The following RCBTB2 variants were observed in gnomAD, a reference collection of about 807,000 sequenced individuals.
RCBTB2 encodes the protein RCC1 and BTB domain-containing protein 2.
Under a neutral mutation model 65.4 loss-of-function variants are expected in RCBTB2, and 55 were observed. The ratio of observed to expected loss-of-function variants is 0.84; its 90% CI spans 0.68 to 1.05. The LOEUF (loss-of-function observed/expected upper bound fraction) is 1.05. Among genes scored for constraint, RCBTB2 ranks in the 50% least tolerant of loss-of-function variants. RCBTB2 has a pLI of 0.00. For missense variants in RCBTB2, 599 were observed against 680.1 expected, an observed-to-expected ratio of 0.88 and a Z score of 1.33; for synonymous variants, 220 against 255.2, an observed-to-expected ratio of 0.86 and a Z score of 1.31.
At position 48,511,779 on chromosome 13, in the gene RCBTB2, A is replaced by G. The variant is rs759484990; in HGVS notation, c.774T>C (p.Arg258=). The change falls in exon 9 of 15, where the codon CGT becomes CGC. Residue 258 remains arginine (R), a synonymous_variant. Coordinates refer to ENST00000344532, the MANE Select transcript of RCBTB2 (RefSeq NM_001268.4). ...PCRVAALQGI[R]VQRVACGYAH... ...CTGACAGTGGACGTACCCTCTGGAC[A>G]CGGATGCCTTGCAAAGCTGCCACTC... 3.1e-6 allele frequency: 5 copies of G among 1,614,052 alleles called. No homozygotes were observed. The South Asian group carries it at 5.5e-5, about 18-fold the overall frequency.
chr13:48,533,209 G>T (rs1952283729), upstream of RCBTB2: 1 of 339,298 alleles, frequency 2.9e-6, no homozygotes, highest in Admixed American at 3.9e-5. Flanking sequence ...GGGGGCTGGC[G>T]ACGGCGTCTC....
At position 48,512,772 on chromosome 13, in the gene RCBTB2, GC is replaced by G; in HGVS notation, c.472del (p.Ala158ProfsTer10). 3.1e-6 allele frequency: 5 copies of G among 1,613,894 alleles called. No individual in the cohort carries two copies. Among genetic ancestry groups the G allele is most frequent in the Non-Finnish European group, 4.2e-6 (5 of 1,179,860 alleles). ...CACCAAAGAATGGTAAGACCCACAGGCAACTTCAATGACTTGTTTGTTTGAC... is the reference window on the plus strand; with the variant it reads ...CACCAAAGAATGGTAAGACCCACAGGAACTTCAATGACTTGTTTGTTTGAC... ...NLSNKQVIEV[A>X]CGSYHSLVLT... On this transcript the variant is annotated frameshift_variant, in exon 7 of 15. Transcript: ENST00000344532. LOFTEE classifies it high-confidence loss of function.
At chr13:48,508,549 A>G (rs771090338) in intron 10 of RCBTB2, among the ~76,000 whole-genome samples, 1 of 152,000 alleles carries the variant, frequency 6.6e-6, no homozygotes, top group African/African-American at 2.4e-5. Flanking sequence ...GATTACAGGC[A>G]TGTGCCACTG....
chr13:48,518,472 A>AAAAT (rs1491137365), intron 4 of RCBTB2, among the ~76,000 whole-genome samples: 120 of 116,580 alleles, frequency 1.0e-3, no homozygotes, highest in African/African-American at 3.4e-3. Flanking sequence ...AAAAAAAAAA[A>AAAAT]ATATATATAT....
At chr13:48,493,494 C>T (rs574220133) in intron 14 of RCBTB2, among the ~76,000 whole-genome samples, 29 of 152,048 alleles carry the variant, frequency 1.9e-4, no homozygotes, top group South Asian at 1.9e-3. Flanking sequence ...ACTCTGATTC[C>T]TGAAACTTGC....
intron 12 of RCBTB2, among the ~76,000 whole-genome samples, chr13:48,501,100 A>T (rs1240226170): frequency 6.6e-6 from 1 of 152,208 alleles, no homozygotes; most frequent in Admixed American, 6.5e-5. Context: ...TGACAGAAGG[A>T]GCTGCGGTCA....
chr13:48,508,661 C>T (rs1192267330), intron 10 of RCBTB2, among the ~76,000 whole-genome samples: 3 of 152,186 alleles, frequency 2.0e-5, no homozygotes, highest in Admixed American at 2.0e-4. Flanking sequence ...GCCTTGGCCT[C>T]CCAAAGTGCT....
chr13:48,513,695 T>G (rs1465504843), intron 6 of RCBTB2, among the ~76,000 whole-genome samples: 1 of 152,240 alleles, frequency 6.6e-6, no homozygotes, highest in African/African-American at 2.4e-5. Context: ...TCCCTGCAGA[T>G]TATTTTCAAG....
chr13:48,505,938 T>G (rs938163563), intron 10 of RCBTB2, among the ~76,000 whole-genome samples: 8 of 152,198 alleles, frequency 5.3e-5, no homozygotes, highest in African/African-American at 1.9e-4. Context: ...GCTGAGGAAC[T>G]CATGATTTAG....
intron 4 of RCBTB2, among the ~76,000 whole-genome samples, chr13:48,516,078 T>C (rs1593739002): frequency 7.2e-6 from 1 of 139,380 alleles, no homozygotes; most frequent in East Asian, 2.0e-4. Flanking sequence ...ACTAGGCTGG[T>C]TGTAAAAGCA....
chr13:48,501,684 T>C, intron 12 of RCBTB2, 58 bp downstream of exon 12: 2 of 1,472,506 alleles, frequency 1.4e-6, no homozygotes, highest in Non-Finnish European at 1.9e-6. Flanking sequence ...GTTGGACACT[T>C]AGAATATAAT....
At chr13:48,490,276 T>G (rs756780966) in intron 14 of RCBTB2, 25 bp from the exon 15 acceptor site, 40 of 1,596,934 alleles carry the variant, frequency 2.5e-5, no homozygotes, top group African/African-American at 5.4e-5. Flanking sequence ...AAAGATGGTT[T>G]AATAAATTCA....
intron 1 of RCBTB2, among the ~76,000 whole-genome samples, chr13:48,525,167 T>C (rs1282835898): frequency 6.6e-6 from 1 of 151,618 alleles, no homozygotes; most frequent in Admixed American, 6.6e-5. Flanking sequence ...AAAGATTTCA[T>C]ACATAAGACA....
chr13:48,525,681 C>CA (rs929048880), intron 1 of RCBTB2, among the ~76,000 whole-genome samples: 2 of 151,496 alleles, frequency 1.3e-5, no homozygotes, highest in African/African-American at 2.4e-5. Flanking sequence ...TTCCCAATAG[C>CA]AAAAAGCAAG....
intron 7 of RCBTB2, 25 bp downstream of exon 7, chr13:48,512,704 T>C (rs895285743): frequency 1.3e-6 from 2 of 1,594,026 alleles, no homozygotes; most frequent in African/African-American, 1.3e-5. Context: ...AAAAAATCAA[T>C]GAGCTTTATG....
chr13:48,524,172 A>G (rs930693443), intron 2 of RCBTB2, among the ~76,000 whole-genome samples: 4 of 152,142 alleles, frequency 2.6e-5, no homozygotes, highest in Non-Finnish European at 4.4e-5. Flanking sequence ...ATCATCCCCA[A>G]TTTGCATGTA....
At chr13:48,505,087 AAAAC>A (rs2138485403) in intron 10 of RCBTB2, among the ~76,000 whole-genome samples, 1 of 151,326 alleles carries the variant, frequency 6.6e-6, no homozygotes, top group East Asian at 1.9e-4. Context: ...AGCTCAAAGG[AAAAC>A]AAAAACTGGG....
intron 4 of RCBTB2, among the ~76,000 whole-genome samples, chr13:48,518,416 T>C (rs1017747244): frequency 5.4e-5 from 8 of 147,480 alleles, no homozygotes; most frequent in Admixed American, 4.1e-4. Context: ...TTTGAAACAG[T>C]GCTTACTGTT....
chr13:48,529,292 T>C (rs1951973626), intron 1 of RCBTB2, among the ~76,000 whole-genome samples: 1 of 152,190 alleles, frequency 6.6e-6, no homozygotes, highest in Non-Finnish European at 1.5e-5. Context: ...AGATCCTAAT[T>C]GTTAAAGATC....
Sources: gnomAD v4.1 joint callset for allele counts (sites outside exome capture counted in the v4.1 genomes callset) on GRCh38, gnomAD v4.1.1 for gene constraint, MANE v1.5 for transcripts, NCBI Gene and HGNC (gene_info 2026-07-23, HGNC 2026-07-21) for gene names.